Variants in ATP8A2 observed in about 807,000 individuals in gnomAD.
The protein encoded by ATP8A2 is phospholipid-transporting ATPase IB.
A neutral mutation model predicts 165.6 loss-of-function variants in ATP8A2; 100 were observed. The observed-to-expected ratio is 0.60, with a 90% CI of 0.51 to 0.71. The LOEUF (loss-of-function observed/expected upper bound fraction) is 0.71, where lower values mean the gene tolerates loss of function less well. Ranked by LOEUF, ATP8A2 falls within the 30% of genes least tolerant of loss-of-function variation. The pLI is 0.00. For missense variants in ATP8A2, 1,227 were observed against 1,479.5 expected (o/e 0.83, Z 2.80); for synonymous variants, 543 against 548.8 (o/e 0.99, Z 0.15).
intron 24 of ATP8A2, among the ~76,000 whole-genome samples, chr13:25,645,176 G>A (rs563874775): frequency 1.6e-4 from 25 of 152,228 alleles, no homozygotes; most frequent in African/African-American, 6.0e-4. Flanking sequence ...GAATCATTGT[G>A]CGATATGAAA....
intron 24 of ATP8A2, among the ~76,000 whole-genome samples, chr13:25,658,484 T>C (rs139861557): frequency 0.034 from 5,222 of 151,998 alleles, 151 homozygotes; most frequent in East Asian, 0.13. Context: ...ACTAAAAATA[T>C]AAAAATTAGC....
chr13:25,951,299 T>A (rs555704695), intron 33 of ATP8A2, among the ~76,000 whole-genome samples: 1 of 152,278 alleles, frequency 6.6e-6, no homozygotes, highest in South Asian at 2.1e-4. Context: ...GGAATACGAT[T>A]CCAAAACTAA....
intron 2 of ATP8A2, among the ~76,000 whole-genome samples, chr13:25,490,011 C>T (rs992635643): frequency 1.1e-4 from 16 of 152,040 alleles, no homozygotes; most frequent in Non-Finnish European, 5.9e-5. Flanking sequence ...TTATGGTAGT[C>T]GGTGTATACT....
At chr13:25,997,872 C>A in intron 35 of ATP8A2, among the ~76,000 whole-genome samples, 1 of 152,054 alleles carries the variant, frequency 6.6e-6, no homozygotes, top group Non-Finnish European at 1.5e-5. Context: ...ACCATGGCTA[C>A]TTTAAAATCT....
chr13:25,629,330 AT>A (rs2041180557), intron 24 of ATP8A2, among the ~76,000 whole-genome samples: 2 of 152,184 alleles, frequency 1.3e-5, no homozygotes, highest in African/African-American at 2.4e-5. Context: ...GGTTTAAAAT[AT>A]TTTTAAAATT....
chr13:25,706,528 C>T (rs960178966), intron 25 of ATP8A2, among the ~76,000 whole-genome samples: 8 of 152,254 alleles, frequency 5.3e-5, no homozygotes, highest in Middle Eastern at 3.4e-3. Flanking sequence ...TGTGTGGTAT[C>T]CTTCAGCCTG....
intron 5 of ATP8A2, among the ~76,000 whole-genome samples, chr13:25,532,740 C>T (rs1401989814): frequency 1.3e-5 from 2 of 152,088 alleles, no homozygotes; most frequent in African/African-American, 2.4e-5. Context: ...GATCATGGCT[C>T]ACTGTAGCTT....
rs78417413 is a variant in ATP8A2, at chr13:25,691,057, A to T, written c.2212-8116A>T. 6.3e-3 allele frequency among the ~76,000 whole-genome samples: 955 copies of T among 152,340 alleles called. 11 individuals carry two copies. Among genetic ancestry groups the T allele is most frequent in the African/African-American group, 0.022 (910 of 41,572 alleles). ...TGACATGTGCATTAATATTAGATGA[A>T]TCTGAAAGCATCAGGCTAGGTGAAT... On this transcript the variant is annotated intron_variant, in intron 24 of 36. Coordinates refer to ENST00000381655, the MANE Select transcript of ATP8A2 (RefSeq NM_016529.6).
chr13:25,427,360 T>C (rs968930092), intron 1 of ATP8A2, among the ~76,000 whole-genome samples: 1 of 151,752 alleles, frequency 6.6e-6, no homozygotes, highest in Non-Finnish European at 1.5e-5. Context: ...AGCTCAAGGC[T>C]CCCACTGATT....
At chr13:25,715,309 T>C (rs2043233628) in intron 25 of ATP8A2, among the ~76,000 whole-genome samples, 1 of 152,148 alleles carries the variant, frequency 6.6e-6, no homozygotes, top group African/African-American at 2.4e-5. Context: ...AATGATGTGG[T>C]CAGATTTGTA....
chr13:25,756,820 A>G (rs2044272855), intron 25 of ATP8A2, among the ~76,000 whole-genome samples: 1 of 152,156 alleles, frequency 6.6e-6, no homozygotes, highest in Admixed American at 6.5e-5. Context: ...ACTGAATCCC[A>G]TATTTTTGTT....
intron 33 of ATP8A2, among the ~76,000 whole-genome samples, chr13:25,915,471 C>G (rs1954244306): frequency 1.3e-5 from 2 of 152,222 alleles, no homozygotes; most frequent in East Asian, 1.9e-4. Context: ...GTAGCTGGGT[C>G]GCTGGGCTCA....
At chr13:25,833,293 A>G (rs1951525079) in intron 28 of ATP8A2, among the ~76,000 whole-genome samples, 2 of 152,136 alleles carry the variant, frequency 1.3e-5, no homozygotes, top group Non-Finnish European at 2.9e-5. Context: ...AATATATATG[A>G]TTCCACATAG....
intron 11 of ATP8A2, among the ~76,000 whole-genome samples, chr13:25,553,585 G>A (rs759410401): frequency 5.9e-5 from 9 of 152,144 alleles, no homozygotes; most frequent in African/African-American, 1.7e-4. Context: ...GTTGGTTCCC[G>A]CTACGTCCTG....
chr13:25,746,740 A>T (rs2044040539), intron 25 of ATP8A2, among the ~76,000 whole-genome samples: 2 of 152,234 alleles, frequency 1.3e-5, no homozygotes, highest in African/African-American at 4.8e-5. Context: ...AAATCTGTTG[A>T]TTCCAGCTGA....
intron 24 of ATP8A2, among the ~76,000 whole-genome samples, chr13:25,592,296 A>T (rs1195919684): frequency 2.7e-5 from 4 of 150,512 alleles, no homozygotes; most frequent in African/African-American, 1.0e-4. Context: ...AAACCTGTTT[A>T]AAAAAACTGG....
intron 24 of ATP8A2, among the ~76,000 whole-genome samples, chr13:25,661,379 C>T (rs912449973): frequency 2.6e-5 from 4 of 152,110 alleles, no homozygotes; most frequent in Admixed American, 6.5e-5. Flanking sequence ...TTATTGATTC[C>T]GCTGATATTC....
At chr13:25,677,425 A>G (rs768642823) in intron 24 of ATP8A2, among the ~76,000 whole-genome samples, 1 of 151,586 alleles carries the variant, frequency 6.6e-6, no homozygotes, top group Non-Finnish European at 1.5e-5. Context: ...TGCCATCTGT[A>G]GATATTGAAT....
chr13:25,974,788 C>G (rs961910929), intron 35 of ATP8A2, among the ~76,000 whole-genome samples: 1 of 152,126 alleles, frequency 6.6e-6, no homozygotes, highest in Non-Finnish European at 1.5e-5. Context: ...TCCTGCGCAT[C>G]CCTGGGTGCC....
Sources: gnomAD v4.1 joint callset for allele counts (sites outside exome capture counted in the v4.1 genomes callset) on GRCh38, gnomAD v4.1.1 for gene constraint, MANE v1.5 for transcripts, NCBI Gene and HGNC (gene_info 2026-07-23, HGNC 2026-07-21) for gene names.